The following NUP155 variants were observed in gnomAD, a reference collection of about 807,000 sequenced individuals.
NUP155 encodes nuclear pore complex protein Nup155.
A neutral mutation model predicts 180.4 loss-of-function variants in NUP155; 71 were observed. The observed-to-expected ratio is 0.39, with a 90% CI of 0.33 to 0.48. The LOEUF is 0.48. Among genes scored for constraint, NUP155 ranks in the 20% least tolerant of loss-of-function variants. NUP155 has a pLI of 0.91. For missense variants in NUP155, 1,553 were observed against 1,648.9 expected (o/e 0.94, Z 1.01); for synonymous variants, 582 against 559.5 (o/e 1.04, Z -0.57).
At chr5:37,306,416 A>ACC (rs1743157348) in intron 25 of NUP155, among the ~76,000 whole-genome samples, 1 of 152,030 alleles carries the variant, frequency 6.6e-6, no homozygotes, top group Non-Finnish European at 1.5e-5. Flanking sequence ...CAAAAACAAA[A>ACC]ACAAAAACAA....
At chr5:37,342,918 G>A (rs1561800178) in intron 9 of NUP155, among the ~76,000 whole-genome samples, 1 of 152,156 alleles carries the variant, frequency 6.6e-6, no homozygotes, top group Middle Eastern at 3.4e-3. Flanking sequence ...TGTGTTGTTA[G>A]TAGAGACAGG....
chr5:37,314,049 C>T (rs1293962209), intron 22 of NUP155, 149 bp downstream of exon 22: 16 of 622,136 alleles, frequency 2.6e-5, no homozygotes, highest in Non-Finnish European at 3.9e-5. Context: ...CAAGTTGGTA[C>T]GCTTTTTTTG....
In NUP155 at chr5:37,341,085, C is replaced by T; in HGVS notation, c.1246+5G>A. Reference sequence around the variant, plus strand: ...TCTTAAATCTGATAGTATTTCAGAACTTACCTTTACTATAAAGAGCTCTAT... The same window carrying T: ...TCTTAAATCTGATAGTATTTCAGAATTTACCTTTACTATAAAGAGCTCTAT... On this transcript the variant is annotated splice_donor_5th_base_variant and intron_variant, in intron 11 of 34. Transcript: ENST00000231498. 1.2e-6 allele frequency: 2 copies of T among 1,603,292 alleles called. No homozygotes were observed. Among genetic ancestry groups the T allele is most frequent in the Non-Finnish European group, 1.7e-6 (2 of 1,170,318 alleles).
intron 32 of NUP155, among the ~76,000 whole-genome samples, chr5:37,297,890 C>A (rs1434939244): frequency 3.3e-5 from 5 of 150,284 alleles, no homozygotes; most frequent in Admixed American, 6.6e-5. Flanking sequence ...AGGGAATAGA[C>A]CCTAAGTCAG....
chr5:37,369,852 G>C (rs1747845612), intron 1 of NUP155, among the ~76,000 whole-genome samples: 1 of 152,064 alleles, frequency 6.6e-6, no homozygotes, highest in Non-Finnish European at 1.5e-5. Flanking sequence ...CTCACAAAGG[G>C]GTCACTTTTT....
rs1233794881 is a variant in NUP155, at chr5:37,288,847, T to G, written c.*3053A>C. The G allele has an allele frequency of 6.8e-6, 1 of 146,642 alleles. No homozygotes were observed. The highest frequency in any genetic ancestry group is 6.9e-5 in the Admixed American group (1 of 14,412). The allele number at this position is 146,642 out of a possible 1,614,324, so 9.1% of individuals were successfully genotyped here. On this transcript the variant is annotated 3_prime_UTR_variant, in exon 35 of 35. Transcript: ENST00000231498. ...GGGAGGCCAAGGGGGGTGGATCACC[T>G]GAGGTCAGGAGTTCAAGACCAGCCT...
intron 1 of NUP155, among the ~76,000 whole-genome samples, chr5:37,369,736 T>TGCA (rs1561822097): frequency 6.6e-6 from 1 of 152,246 alleles, no homozygotes; most frequent in East Asian, 1.9e-4. Context: ...TAATCAGAAG[T>TGCA]GTTCTCGGTT....
intron 9 of NUP155, 73 bp downstream of exon 9, chr5:37,348,432 C>T (rs1746244202): frequency 2.1e-6 from 2 of 966,098 alleles, no homozygotes; most frequent in Non-Finnish European, 1.7e-6. Context: ...ATAATATATA[C>T]TTTTAGAAGG....
At chr5:37,295,176 GC>G (rs1325402137) in intron 32 of NUP155, among the ~76,000 whole-genome samples, 2 of 152,100 alleles carry the variant, frequency 1.3e-5, no homozygotes, top group African/African-American at 2.4e-5. Flanking sequence ...CCTGCCGAGT[GC>G]CTGCGATTGC....
intron 11 of NUP155, among the ~76,000 whole-genome samples, chr5:37,338,780 T>C (rs914818204): frequency 2.0e-5 from 3 of 152,162 alleles, no homozygotes; most frequent in Non-Finnish European, 4.4e-5. Context: ...ATTTTTAAGG[T>C]AGACTCCTTA....
At chr5:37,356,267 G>T (rs980353796) in intron 4 of NUP155, among the ~76,000 whole-genome samples, 4 of 151,420 alleles carry the variant, frequency 2.6e-5, no homozygotes, top group African/African-American at 9.7e-5. Flanking sequence ...GGCATTATGA[G>T]GGTGAAAGAG....
Position 37,346,652 on chromosome 5 carries a change from C to G in NUP155, c.995+1853G>C, listed in dbSNP as rs1019816842. Among the ~76,000 whole-genome samples, 4 of 148,234 alleles carry G rather than the reference C, an allele frequency of 2.7e-5. No individual in the cohort carries two copies. In the East Asian group the frequency reaches 5.9e-4, roughly 22 times the overall value. Reference sequence around the variant, plus strand: ...CGCCATTGCACTCCAGCCTGGGGGACAAGAGTGAGACTTTGTCTCGGAAAC... The same window carrying G: ...CGCCATTGCACTCCAGCCTGGGGGAGAAGAGTGAGACTTTGTCTCGGAAAC... On this transcript the variant is annotated intron_variant, in intron 9 of 34. Coordinates refer to ENST00000231498, the MANE Select transcript of NUP155 (RefSeq NM_153485.3).
chr5:37,296,429 G>A (rs1381280109), intron 32 of NUP155, among the ~76,000 whole-genome samples: 1 of 151,994 alleles, frequency 6.6e-6, no homozygotes, highest in African/African-American at 2.4e-5. Context: ...GGGTTAAATG[G>A]ATTAAGGGCG....
At chr5:37,299,764 G>A (rs557214434) in intron 30 of NUP155, among the ~76,000 whole-genome samples, 196 bp from the exon 31 acceptor site, 2 of 152,180 alleles carry the variant, frequency 1.3e-5, no homozygotes, top group South Asian at 4.2e-4. Context: ...GCCGGGTACG[G>A]TGACTCAGGC....
At position 37,370,899 on chromosome 5, in the gene NUP155, C is replaced by A; in HGVS notation, c.79G>T (p.Gly27Ter). 6.2e-7 allele frequency: 1 copy of A among 1,614,168 alleles called. No individual in the cohort carries two copies. The change falls in exon 1 of 35, where the codon GGA becomes TGA. Residue 27 changes from glycine to a stop codon, truncating the protein, a stop_gained. Coordinates refer to ENST00000231498, the MANE Select transcript of NUP155 (RefSeq NM_153485.3). LOFTEE classifies it high-confidence loss of function. Reference protein sequence around the residue: ...AALQEALENAGRLIDRQLQED... With the variant: ...AALQEALENA ...TGCAACTGACGGTCGATGAGCCGTC[C>A]AGCATTTTCCAGAGCTTCCTGCAGG...
chr5:37,350,704 G>A (rs1746397595), intron 6 of NUP155, among the ~76,000 whole-genome samples: 1 of 151,864 alleles, frequency 6.6e-6, no homozygotes, highest in Admixed American at 6.6e-5. Context: ...TTGGGAGGCT[G>A]AGGCAGGAGA....
intron 1 of NUP155, among the ~76,000 whole-genome samples, chr5:37,365,297 T>C (rs1304998802): frequency 6.6e-6 from 1 of 151,796 alleles, no homozygotes; most frequent in African/African-American, 2.4e-5. Flanking sequence ...AATGAAAGCA[T>C]GTAATTGTAT....
Position 37,314,205 on chromosome 5 carries a change from A to G in NUP155, c.2429T>C (p.Leu810Pro). The change falls in exon 22 of 35, where the codon CTT becomes CCT. Residue 810 changes from leucine (L) to proline (P), a missense_variant. Leu to Pro is a moderately conservative substitution (Grantham distance 98, BLOSUM62 -3). Transcript: ENST00000231498. Reference sequence around the variant, plus strand: ...AAAAATAAAAAAAATTACCTTCTGAAGTTCTGCCACAATGATAGTGAATTG... The same window carrying G: ...AAAAATAAAAAAAATTACCTTCTGAGGTTCTGCCACAATGATAGTGAATTG... ...EHQFTIIVAE[L>P]QKELQEQLKI... The G allele has an allele frequency of 6.2e-7, 1 of 1,605,938 alleles. No individual in the cohort carries two copies. The highest frequency in any genetic ancestry group is 8.5e-7 in the Non-Finnish European group (1 of 1,173,688).
At chr5:37,338,037 C>T (rs1745457406) in intron 11 of NUP155, 119 bp from the exon 12 acceptor site, 4 of 667,254 alleles carry the variant, frequency 6.0e-6, no homozygotes, top group South Asian at 2.0e-5. Flanking sequence ...ATTATAAAAC[C>T]GGGCTGGGCA....
Sources: allele counts gnomAD v4.1 joint callset (sites outside exome capture counted in the v4.1 genomes callset), GRCh38; gene constraint gnomAD v4.1.1; transcripts MANE v1.5; gene names NCBI Gene and HGNC (gene_info 2026-07-23, HGNC 2026-07-21).